Variants in GPR158 observed in about 807,000 individuals in gnomAD.
GPR158 encodes the protein metabotropic glycine receptor.
A neutral mutation model predicts 78.2 loss-of-function variants in GPR158; 30 were observed. The ratio of observed to expected loss-of-function variants is 0.38; its 90% CI spans 0.29 to 0.52. GPR158 has a LOEUF of 0.52. Ranked by LOEUF, GPR158 falls within the 20% of genes least tolerant of loss-of-function variation. The pLI, the probability that GPR158 is intolerant of heterozygous loss-of-function variation, is 0.83. For synonymous variants in GPR158, 581 were observed against 591.1 expected, an observed-to-expected ratio of 0.98 and a Z score of 0.25; for missense variants, 1,463 against 1,523.5, an observed-to-expected ratio of 0.96 and a Z score of 0.66.
chr10:25,480,779 T>C, intron 5 of GPR158, among the ~76,000 whole-genome samples: 1 of 152,226 alleles, frequency 6.6e-6, no homozygotes, highest in African/African-American at 2.4e-5. Flanking sequence ...TTGTGAATAA[T>C]GCTTGTTGTA....
At chr10:25,563,611 T>C (rs894140170) in intron 6 of GPR158, among the ~76,000 whole-genome samples, 5 of 152,340 alleles carry the variant, frequency 3.3e-5, no homozygotes, top group African/African-American at 9.6e-5. Context: ...TTCTGAGTTG[T>C]TGCCCTGGAG....
intron 2 of GPR158, among the ~76,000 whole-genome samples, chr10:25,257,200 T>C (rs903443594): frequency 7.9e-5 from 12 of 152,262 alleles, no homozygotes; most frequent in Non-Finnish European, 1.5e-4. Context: ...TGGGCTGAAC[T>C]CACCCTTTTT....
chr10:25,212,531 G>A (rs914275778), intron 1 of GPR158, among the ~76,000 whole-genome samples: 21 of 149,636 alleles, frequency 1.4e-4, no homozygotes, highest in South Asian at 2.1e-4. Context: ...ATGTTTCTCC[G>A]TTAATTCAGA....
intron 5 of GPR158, among the ~76,000 whole-genome samples, chr10:25,467,805 C>T (rs567694711): frequency 7.2e-5 from 11 of 152,164 alleles, no homozygotes; most frequent in Non-Finnish European, 1.6e-4. Context: ...TCTAACAGTT[C>T]TGCATTGCTG....
At chr10:25,525,839 G>T (rs1836339551) in intron 5 of GPR158, among the ~76,000 whole-genome samples, 1 of 152,106 alleles carries the variant, frequency 6.6e-6, no homozygotes, top group Non-Finnish European at 1.5e-5. Context: ...AGGCACGGTG[G>T]CTCTCTTCTG....
At chr10:25,554,138 A>G (rs1029733462) in intron 6 of GPR158, among the ~76,000 whole-genome samples, 4 of 152,184 alleles carry the variant, frequency 2.6e-5, no homozygotes, top group Non-Finnish European at 5.9e-5. Flanking sequence ...GAAGGAGCTG[A>G]TCCAGGATAG....
chr10:25,234,227 G>A (rs993218574), intron 2 of GPR158, among the ~76,000 whole-genome samples: 3 of 151,954 alleles, frequency 2.0e-5, no homozygotes, highest in African/African-American at 7.3e-5. Context: ...TCTGTGATTC[G>A]ACTGGCAGAC....
chr10:25,575,462 G>A (rs1397333104), intron 7 of GPR158, among the ~76,000 whole-genome samples: 1 of 152,084 alleles, frequency 6.6e-6, no homozygotes, highest in Non-Finnish European at 1.5e-5. Context: ...GGCATCACCT[G>A]GGGACTTGTT....
At chr10:25,255,207 G>C (rs1853874674) in intron 2 of GPR158, among the ~76,000 whole-genome samples, 1 of 152,162 alleles carries the variant, frequency 6.6e-6, no homozygotes. Flanking sequence ...AATTATAGCT[G>C]AATTTTGTTA....
intron 2 of GPR158, among the ~76,000 whole-genome samples, chr10:25,289,998 ACATTTTCACTAATTAG>A: frequency 6.6e-6 from 1 of 152,204 alleles, no homozygotes; most frequent in Non-Finnish European, 1.5e-5. Flanking sequence ...ATGTTAGTTA[ACATTTTCACTAATTAG>A]CTTGACAATA....
intron 1 of GPR158, among the ~76,000 whole-genome samples, chr10:25,214,549 C>G (rs538335876): frequency 2.0e-5 from 3 of 151,950 alleles, no homozygotes; most frequent in African/African-American, 7.2e-5. Context: ...ACTAATGTCC[C>G]TTTTTTGCTC....
intron 2 of GPR158, among the ~76,000 whole-genome samples, chr10:25,264,578 C>T (rs1854017311): frequency 6.6e-6 from 1 of 152,170 alleles, no homozygotes; most frequent in Non-Finnish European, 1.5e-5. Context: ...TAAACCTAAT[C>T]TATACACAGA....
intron 3 of GPR158, among the ~76,000 whole-genome samples, chr10:25,409,920 T>G (rs1174203727): frequency 6.6e-6 from 1 of 152,228 alleles, no homozygotes; most frequent in African/African-American, 2.4e-5. Context: ...TTATTACTTA[T>G]TTAGTACTTA....
chr10:25,208,395 A>T (rs970062369), intron 1 of GPR158, among the ~76,000 whole-genome samples: 17 of 152,226 alleles, frequency 1.1e-4, no homozygotes, highest in Non-Finnish European at 1.9e-4. Flanking sequence ...TTAAAAGTTG[A>T]TTGACAACTA....
chr10:25,510,780 G>A (rs995634575), intron 5 of GPR158, among the ~76,000 whole-genome samples: 1 of 152,130 alleles, frequency 6.6e-6, no homozygotes, highest in Non-Finnish European at 1.5e-5. Context: ...TCCCACTTAT[G>A]TGTAAGAACA....
At chr10:25,383,048 G>T (rs1834177134) in intron 2 of GPR158, among the ~76,000 whole-genome samples, 1 of 152,050 alleles carries the variant, frequency 6.6e-6, no homozygotes, top group African/African-American at 2.4e-5. Context: ...TGTTGGCCAG[G>T]CTGGTCTGGA....
intron 1 of GPR158, among the ~76,000 whole-genome samples, chr10:25,177,286 G>A (rs1852551322): frequency 1.3e-5 from 2 of 152,180 alleles, no homozygotes; most frequent in Admixed American, 1.3e-4. Flanking sequence ...CAACCTTTAA[G>A]AGTAGATGTG....
intron 2 of GPR158, among the ~76,000 whole-genome samples, chr10:25,238,017 G>A (rs1215122553): frequency 1.3e-5 from 2 of 150,330 alleles, no homozygotes; most frequent in Non-Finnish European, 3.0e-5. Flanking sequence ...TCTCTTCTCT[G>A]CTCTCTTCCT....
At chr10:25,208,012 T>C (rs1209856797) in intron 1 of GPR158, among the ~76,000 whole-genome samples, 1 of 152,214 alleles carries the variant, frequency 6.6e-6, no homozygotes, top group Non-Finnish European at 1.5e-5. Flanking sequence ...TAAAATGAGG[T>C]AATATATGTC....
Sources: gnomAD v4.1 joint callset for allele counts (sites outside exome capture counted in the v4.1 genomes callset) on GRCh38, gnomAD v4.1.1 for gene constraint, MANE v1.5 for transcripts, NCBI Gene and HGNC (gene_info 2026-07-23, HGNC 2026-07-21) for gene names.